Variants in SEPTIN3 observed in about 807,000 individuals in gnomAD.
SEPTIN3 encodes septin 3.
In SEPTIN3, 15 loss-of-function variants were observed where a neutral mutation model predicts 45.1. The observed-to-expected ratio is 0.33, with a 90% CI of 0.22 to 0.51. SEPTIN3 has a LOEUF of 0.51. Ranked by LOEUF, SEPTIN3 falls within the 20% of genes least tolerant of loss-of-function variation. The probability of loss-of-function intolerance (pLI) is 0.97; values close to 1 mark genes in which losing one functional copy is unlikely to be tolerated. For synonymous variants in SEPTIN3, 148 were observed against 164.8 expected, an observed-to-expected ratio of 0.90 and a Z score of 0.78; for missense variants, 289 against 457.2, an observed-to-expected ratio of 0.63 and a Z score of 3.35.
At chr22:41,981,587 T>C (rs1467312035) in intron 2 of SEPTIN3, 58 bp from the exon 3 acceptor site, 17 of 1,414,082 alleles carry the variant, frequency 1.2e-5, no homozygotes, top group Middle Eastern at 2.4e-4. Flanking sequence ...ATGGTTTCCA[T>C]GTGACCTCTG....
chr22:41,998,105 G>T lies in SEPTIN3; in HGVS notation c.*1138G>T, dbSNP rs964820548. ...GTTACCAGTCCCAGCCAATCTTACG[G>T]TGACATTACAGTTAAATTTCCCAAT... is the stretch of plus-strand genomic sequence containing the variant. On this transcript the variant is annotated 3_prime_UTR_variant, in exon 12 of 12. Coordinates refer to ENST00000644076, the MANE Select transcript of SEPTIN3 (RefSeq NM_001363845.2). 4 of 152,642 alleles carry T rather than the reference G, an allele frequency of 2.6e-5. No homozygotes were observed. The highest frequency in any genetic ancestry group is 9.7e-5 in the African/African-American group (4 of 41,438). 9.5% of individuals were successfully genotyped at this position (152,642 alleles called of 1,614,324 possible).
At position 41,972,218 on chromosome 22, in the gene SEPTIN3, A is replaced by T. The variant is rs1359922837; in HGVS notation, c.726A>T (p.Arg242Ser). Reference protein sequence around the residue: ...KGKPRARGIPRPRGRLQRANT... With the variant: ...KGKPRARGIPSPRGRLQRANT... ...AGCCCCGGGCCAGGGGGATCCCCAG[A>T]CCCCGGGGGCGTCTCCAAAGGGCCA... Residue 242 changes from arginine to serine, a missense_variant, in exon 2 of 12, where the codon AGA becomes AGT. This residue lies in a region of SEPTIN3 where 200 missense variants were observed against 315.1 expected (regional missense o/e 0.63). Coordinates refer to ENST00000644076, the MANE Select transcript of SEPTIN3 (RefSeq NM_001363845.2). The T allele has an allele frequency of 2.5e-6, 1 of 398,800 alleles. No homozygotes were observed. The allele number at this position is 398,800 out of a possible 1,614,324, so 24.7% of individuals were successfully genotyped here.
Position 41,994,208 on chromosome 22 carries a change from A to G in SEPTIN3, c.2360-82A>G. ...TAGCTTTCTCCTAAATGCCTCCGTG[A>G]CCCAAACAGAAGCTCACCTCCTGGG... On this transcript the variant is annotated intron_variant, in intron 9 of 11. Coordinates refer to ENST00000644076, the MANE Select transcript of SEPTIN3 (RefSeq NM_001363845.2). The surrounding 1 kb of genome is among the most constrained non-coding windows in gnomAD (Gnocchi z 4.2). The G allele has an allele frequency of 1.5e-6, 2 of 1,370,416 alleles. No individual in the cohort carries two copies. Among genetic ancestry groups the G allele is most frequent in the Non-Finnish European group, 2.1e-6 (2 of 968,152 alleles). 84.9% of individuals were successfully genotyped at this position (1,370,416 alleles called of 1,614,324 possible).
In SEPTIN3 at chr22:41,971,970, G is replaced by T; in HGVS notation, c.478G>T (p.Gly160Trp). ...PGSPPVTLVP[G>W]GRVHSEGPGN... Reference sequence around the variant, plus strand: ...CTCGCCACCTGTGACCCTAGTGCCAGGGGGCAGGGTCCACTCTGAGGGCCC... The same window carrying T: ...CTCGCCACCTGTGACCCTAGTGCCATGGGGCAGGGTCCACTCTGAGGGCCC... The change falls in exon 2 of 12, where the codon GGG (glycine) becomes TGG (tryptophan). Residue 160 changes from glycine to tryptophan, a missense_variant. Transcript: ENST00000644076. 2.5e-6 allele frequency: 1 copy of T among 399,126 alleles called. No homozygotes were observed. Among genetic ancestry groups the T allele is most frequent in the Non-Finnish European group, 4.4e-6 (1 of 226,120 alleles). 24.7% of individuals were successfully genotyped at this position (399,126 alleles called of 1,614,324 possible).
chr22:41,984,122 A>G (rs1198389134), intron 3 of SEPTIN3, among the ~76,000 whole-genome samples: 1 of 152,156 alleles, frequency 6.6e-6, no homozygotes, highest in Non-Finnish European at 1.5e-5. Context: ...GGTGACTACT[A>G]CCAGATAATC....
In SEPTIN3 at chr22:41,997,273, C is replaced by G. The variant is rs1394565648; in HGVS notation, c.*306C>G. Reference sequence around the variant, plus strand: ...GCTCCTTCTGCCCTTGTAAGCCCATCCCAGCTACTTGTAACCATCTCTAAG... The same window carrying G: ...GCTCCTTCTGCCCTTGTAAGCCCATGCCAGCTACTTGTAACCATCTCTAAG... On this transcript the variant is annotated 3_prime_UTR_variant, in exon 12 of 12. Coordinates refer to ENST00000644076, the MANE Select transcript of SEPTIN3 (RefSeq NM_001363845.2). 3 of 389,526 alleles carry G rather than the reference C, an allele frequency of 7.7e-6. No homozygotes were observed. Among genetic ancestry groups the G allele is most frequent in the Non-Finnish European group, 1.4e-5 (3 of 215,324 alleles). 24.1% of individuals were successfully genotyped at this position (389,526 alleles called of 1,614,324 possible).
chr22:41,987,862 A>G, intron 6 of SEPTIN3, 103 bp downstream of exon 6: 2 of 1,283,684 alleles, frequency 1.6e-6, no homozygotes, highest in Non-Finnish European at 2.2e-6. Flanking sequence ...AGGCCTCCCT[A>G]GCTGAGTCCT....
Position 41,972,156 on chromosome 22 carries a change from G to T in SEPTIN3, c.664G>T (p.Asp222Tyr). The change falls in exon 2 of 12, where the codon GAC (aspartate) becomes TAC (tyrosine). Residue 222 changes from aspartate to tyrosine, a missense_variant. Around this residue, in one of 3 missense-constraint regions of SEPTIN3, gnomAD observed 200 missense variants for 315.1 expected, o/e 0.63. Transcript: ENST00000644076. ...LGQGHLVSVT[D>Y]HMPTRASPGK... ...CCAGGGGCACCTTGTCTCAGTGACT[G>T]ACCACATGCCTACCAGAGCTTCTCC... The T allele has an allele frequency of 5.0e-6, 2 of 399,092 alleles. No individual in the cohort carries two copies. Among genetic ancestry groups the T allele is most frequent in the South Asian group, 2.6e-4 (2 of 7,808 alleles). The allele number at this position is 399,092 out of a possible 1,614,324, so 24.7% of individuals were successfully genotyped here.
In SEPTIN3 at chr22:41,971,541, G is replaced by A. The variant is rs955217753; in HGVS notation, c.49G>A (p.Ala17Thr). The A allele has an allele frequency of 2.5e-6, 1 of 399,044 alleles. No individual in the cohort carries two copies. The highest frequency in any genetic ancestry group is 2.1e-5 in the African/African-American group (1 of 48,602). 24.7% of individuals were successfully genotyped at this position (399,044 alleles called of 1,614,324 possible). ...PAPPEMQSHGAPGPGTSFSHS... is the reference protein window; with the variant it reads ...PAPPEMQSHGTPGPGTSFSHS... The stretch of plus-strand genomic sequence containing the variant: ...TCCTCCAGAGATGCAGTCGCATGGA[G>A]CTCCAGGCCCGGGAACCTCCTTCTC... The change falls in exon 2 of 12, where the codon GCT becomes ACT. Residue 17 changes from alanine (A) to threonine (T), a missense_variant. Ala to Thr is a moderately conservative substitution (Grantham distance 58). Transcript: ENST00000644076.
At chr22:41,992,028 A>G (rs1478118683) in intron 8 of SEPTIN3, among the ~76,000 whole-genome samples, 3 of 152,146 alleles carry the variant, frequency 2.0e-5, no homozygotes, top group South Asian at 2.1e-4. Context: ...TTTCCCCTCT[A>G]TGAAATGCAG....
Position 41,992,706 on chromosome 22 carries a change from T to A in SEPTIN3, c.2302T>A (p.Tyr768Asn). 2 of 1,611,952 alleles carry A rather than the reference T, an allele frequency of 1.2e-6. No homozygotes were observed. The highest frequency in any genetic ancestry group is 1.7e-6 in the Non-Finnish European group (2 of 1,179,174). Residue 768 changes from tyrosine to asparagine, a missense_variant, in exon 9 of 12, where the codon TAC becomes AAC. Transcript: ENST00000644076. ...PFAVVGSDKE[Y>N]QVNGKRVLGR... is the part of the protein sequence containing the mutation. The stretch of plus-strand genomic sequence containing the variant: ...TGCTGTGGTGGGAAGTGACAAGGAG[T>A]ACCAAGTGAATGGCAAGAGGGTCCT...
At chr22:41,985,927 T>C (rs1264810375) in intron 3 of SEPTIN3, 57 bp from the exon 4 acceptor site, 61 of 1,535,036 alleles carry the variant, frequency 4.0e-5, no homozygotes, top group Non-Finnish European at 5.3e-5. Context: ...TGGAGAAATA[T>C]TAGGCTCAGG....
At chr22:41,979,781 C>G (rs530255029) in intron 2 of SEPTIN3, among the ~76,000 whole-genome samples, 1 of 152,268 alleles carries the variant, frequency 6.6e-6, no homozygotes, top group Admixed American at 6.5e-5. Context: ...TTACCAGTAC[C>G]GGTGGAAGGA....
chr22:41,974,380 C>T (rs1362103354), intron 2 of SEPTIN3, among the ~76,000 whole-genome samples: 2 of 151,822 alleles, frequency 1.3e-5, no homozygotes, highest in Admixed American at 6.6e-5. Flanking sequence ...ACTAGCCTGG[C>T]CAGGCCAGGC....
chr22:41,971,102 A>T (rs999448348), intron 1 of SEPTIN3, among the ~76,000 whole-genome samples: 19 of 152,080 alleles, frequency 1.2e-4, no homozygotes, highest in African/African-American at 4.6e-4. Context: ...GAGTCCCTGA[A>T]CATGTATGTG....
intron 2 of SEPTIN3, among the ~76,000 whole-genome samples, chr22:41,979,586 TGA>T (rs145877722): frequency 6.6e-6 from 1 of 152,308 alleles, no homozygotes; most frequent in African/African-American, 2.4e-5. Context: ...GCCAGGCTGC[TGA>T]GAGTCAGCTG....
At chr22:41,971,101 A>C (rs960367533) in intron 1 of SEPTIN3, among the ~76,000 whole-genome samples, 1 of 152,138 alleles carries the variant, frequency 6.6e-6, no homozygotes, top group African/African-American at 2.4e-5. Flanking sequence ...GGAGTCCCTG[A>C]ACATGTATGT....
chr22:41,978,269 A>ATCAT (rs979204768), intron 2 of SEPTIN3, among the ~76,000 whole-genome samples: 31 of 152,188 alleles, frequency 2.0e-4, no homozygotes, highest in African/African-American at 7.5e-4. Flanking sequence ...TCATTCACTC[A>ATCAT]TCATTCATTC....
At chr22:41,977,037 C>G in intron 2 of SEPTIN3, 1 of 1,599,276 alleles carries the variant, frequency 6.3e-7, no homozygotes, top group Non-Finnish European at 8.5e-7. Flanking sequence ...GAGCATCTCC[C>G]TGGAGGAACG....
Sources: allele counts gnomAD v4.1 joint callset (sites outside exome capture counted in the v4.1 genomes callset), GRCh38; gene constraint gnomAD v4.1.1; regional missense constraint gnomAD v4.1.1; non-coding constraint Gnocchi (gnomAD v3.1); transcripts MANE v1.5; gene names NCBI Gene and HGNC (gene_info 2026-07-23, HGNC 2026-07-21).